The following ZNF124 variants were observed in gnomAD, a reference collection of about 807,000 sequenced individuals.
ZNF124 encodes the protein zinc finger protein HZF-16.
Under a neutral mutation model 26.6 loss-of-function variants are expected in ZNF124, and 25 were observed. The ratio of observed to expected loss-of-function variants is 0.94; its 90% CI spans 0.68 to 1.31. The LOEUF (loss-of-function observed/expected upper bound fraction) is 1.31. Ranked by LOEUF, ZNF124 falls within the 40% of genes most tolerant of loss-of-function variation. ZNF124 has a pLI of 0.00. For missense variants in ZNF124, 444 were observed against 422.2 expected (o/e 1.05, Z -0.45); for synonymous variants, 129 against 133.3 (o/e 0.97, Z 0.22).
intron 3 of ZNF124, among the ~76,000 whole-genome samples, chr1:247,132,817 C>A (rs956950707): frequency 5.9e-5 from 9 of 152,074 alleles, no homozygotes; most frequent in Admixed American, 5.3e-4. Flanking sequence ...CAGTCACATA[C>A]CCCCTGCTTG....
At chr1:247,172,144 TC>T (rs1674115846), upstream of ZNF124, 1 of 120,942 alleles carries the variant, frequency 8.3e-6, no homozygotes, top group Non-Finnish European at 1.7e-5. Context: ...AGGTGACAGC[TC>T]CCGCGCGTGT....
chr1:247,133,686 C>T (rs1005339553), intron 3 of ZNF124, among the ~76,000 whole-genome samples: 7 of 143,384 alleles, frequency 4.9e-5, no homozygotes, highest in African/African-American at 1.6e-4. Flanking sequence ...TGGAGTCTCA[C>T]TCTGTCACCC....
intron 3 of ZNF124, among the ~76,000 whole-genome samples, chr1:247,149,700 T>C (rs180888702): frequency 1.6e-4 from 24 of 152,278 alleles, no homozygotes; most frequent in African/African-American, 4.8e-4. Flanking sequence ...TGGGGAGACA[T>C]TGCTGAAAAG....
rs1025054829 is a variant in ZNF124, at chr1:247,163,891, A to T, written c.31-4078T>A. The stretch of plus-strand genomic sequence containing the variant: ...ATGAACATAGATGAAAAATCCACAG[A>T]TGTAAAATACTAGCAAACCAAATCC... On this transcript the variant is annotated intron_variant, in intron 1 of 3. Coordinates refer to ENST00000543802, the MANE Select transcript of ZNF124 (RefSeq NM_001297568.2). Among the ~76,000 whole-genome samples, 52 of 152,158 alleles carry T rather than the reference A, an allele frequency of 3.4e-4. 1 individual carries two copies. The highest frequency in any genetic ancestry group is 1.3e-3 in the African/African-American group (52 of 41,456).
intron 1 of ZNF124, 166 bp from the exon 2 acceptor site, chr1:247,159,979 C>T (rs202064986): frequency 0.072 from 10,620 of 148,020 alleles, 660 homozygotes; most frequent in African/African-American, 0.19. Context: ...CATAGCAGTT[C>T]TTTTTTTTTT....
chr1:247,157,418 A>G lies in ZNF124; in HGVS notation c.219-15T>C, dbSNP rs1412482696. 6 of 1,550,830 alleles carry G rather than the reference A, an allele frequency of 3.9e-6. No individual in the cohort carries two copies. Among genetic ancestry groups the G allele is most frequent in the Non-Finnish European group, 5.2e-6 (6 of 1,146,164 alleles). ...ATATGATGTGCCTATGAAGGGATGA[A>G]TGACGTATGAAGAATTTTTCACACA... is the stretch of plus-strand genomic sequence containing the variant. On this transcript the variant is annotated splice_polypyrimidine_tract_variant and intron_variant, in intron 3 of 3. Coordinates refer to ENST00000543802, the MANE Select transcript of ZNF124 (RefSeq NM_001297568.2).
intron 1 of ZNF124, among the ~76,000 whole-genome samples, chr1:247,166,114 G>A (rs1490692496): frequency 6.6e-6 from 1 of 152,234 alleles, no homozygotes; most frequent in East Asian, 1.9e-4. Context: ...AGGAGGCAGA[G>A]GCTGCAGTAA....
At chr1:247,126,400 A>G (rs1345940312) in intron 3 of ZNF124, among the ~76,000 whole-genome samples, 1 of 45,494 alleles carries the variant, frequency 2.2e-5, no homozygotes, top group Non-Finnish European at 4.4e-5. Flanking sequence ...CCGCTAGAAA[A>G]CCCGAGGCGG....
chr1:247,158,967 C>G, intron 3 of ZNF124, 39 bp downstream of exon 3: 1 of 1,578,776 alleles, frequency 6.3e-7, no homozygotes, highest in Non-Finnish European at 8.7e-7. Flanking sequence ...CTACAATTGA[C>G]CCCAAGGGGG....
chr1:247,159,668 GAA>G lies in ZNF124; in HGVS notation c.157+17_157+18del. 6.2e-7 allele frequency: 1 copy of G among 1,606,408 alleles called. No homozygotes were observed. The highest frequency in any genetic ancestry group is 8.5e-7 in the Non-Finnish European group (1 of 1,177,602). ...CTTACTTTCTGATTGACTAAGTGAA[GAA>G]ATATTGTGATTCTTACCTATGGAAG... On this transcript the variant is annotated intron_variant, in intron 2 of 3. Coordinates refer to ENST00000543802, the MANE Select transcript of ZNF124 (RefSeq NM_001297568.2).
chr1:247,170,881 G>C (rs924570869), intron 1 of ZNF124, among the ~76,000 whole-genome samples: 1 of 118,266 alleles, frequency 8.5e-6, no homozygotes, highest in Admixed American at 8.1e-5. Context: ...CCCAGGACGC[G>C]GCGCCGGGCT....
rs533658706 is a variant in ZNF124 at position 247,168,366 on chromosome 1, T to G, written c.30+3482A>C. Among the ~76,000 whole-genome samples, 171 of 152,220 alleles carry G rather than the reference T, an allele frequency of 1.1e-3. No homozygotes were observed. Among genetic ancestry groups the G allele is most frequent in the African/African-American group, 4.0e-3 (165 of 41,522 alleles). Reference sequence around the variant, plus strand: ...CAACATGGCAAAACCCTGTCTCTACTAAAAATACAAAAAAAATTTAGCTGG... The same window carrying G: ...CAACATGGCAAAACCCTGTCTCTACGAAAAATACAAAAAAAATTTAGCTGG... On this transcript the variant is annotated intron_variant, in intron 1 of 3. Coordinates refer to ENST00000543802, the MANE Select transcript of ZNF124 (RefSeq NM_001297568.2). This position sits in a 1 kb window ranked among gnomAD's most constrained non-coding sequence, Gnocchi z 4.0.
intron 3 of ZNF124, chr1:247,138,761 T>C (rs897017937): frequency 5.0e-6 from 2 of 398,474 alleles, no homozygotes; most frequent in Non-Finnish European, 4.4e-6. Context: ...AGTACATCTG[T>C]AGGAAAATTG....
chr1:247,154,932 A>G (rs1673047430), downstream of ZNF124, among the ~76,000 whole-genome samples: 1 of 150,112 alleles, frequency 6.7e-6, no homozygotes, highest in South Asian at 2.1e-4. Context: ...CATGAGAAAA[A>G]CTTCAACAAC....
chr1:247,149,911 G>C (rs904296639), intron 3 of ZNF124: 1 of 152,210 alleles, frequency 6.6e-6, no homozygotes, highest in East Asian at 1.9e-4. Context: ...TGTCTCTGGT[G>C]AAGACCTTGG....
intron 3 of ZNF124, among the ~76,000 whole-genome samples, chr1:247,147,686 A>G (rs1406386703): frequency 2.0e-5 from 3 of 152,192 alleles, no homozygotes. Flanking sequence ...AAAGGTTCTC[A>G]TGATAAAGAC....
Position 247,159,050 on chromosome 1 carries a change from G to T in ZNF124, c.174C>A (p.Asp58Glu), listed in dbSNP as rs1286816276. The stretch of plus-strand genomic sequence containing the variant: ...TTTTGTACTGATCTTCAATGCTCTG[G>T]TCTTCCCCTTTGTTTCCTAAAATGT... ...NLASIGNKGE[D>E]QSIEDQYKNS... Residue 58 changes from aspartate to glutamate, a missense_variant, in exon 3 of 4, where the codon GAC (aspartate) becomes GAA (glutamate). By Grantham distance (45) the Asp-to-Glu change is conservative. Coordinates refer to ENST00000543802, the MANE Select transcript of ZNF124 (RefSeq NM_001297568.2). 6.2e-7 allele frequency: 1 copy of T among 1,612,064 alleles called. No homozygotes were observed. The highest frequency in any genetic ancestry group is 2.2e-5 in the East Asian group (1 of 44,854).
chr1:247,163,793 G>A (rs1296555161), intron 1 of ZNF124, among the ~76,000 whole-genome samples: 1 of 151,894 alleles, frequency 6.6e-6, no homozygotes. Context: ...GACAGCCAGC[G>A]TCATCCTGGC....
At chr1:247,141,104 C>G (rs1470037133) in intron 3 of ZNF124, among the ~76,000 whole-genome samples, 5 of 151,280 alleles carry the variant, frequency 3.3e-5, no homozygotes, top group Non-Finnish European at 7.4e-5. Flanking sequence ...TGCAATCAGC[C>G]CAGAACGGAG....
Sources: gnomAD v4.1 joint callset for allele counts (sites outside exome capture counted in the v4.1 genomes callset) on GRCh38, gnomAD v4.1.1 for gene constraint, Gnocchi (gnomAD v3.1) non-coding constraint, MANE v1.5 for transcripts, NCBI Gene and HGNC (gene_info 2026-07-23, HGNC 2026-07-21) for gene names.